The following SLC26A5 variants were observed in gnomAD, a reference collection of about 807,000 sequenced individuals.
The protein encoded by SLC26A5 is prestin.
In SLC26A5, 51 loss-of-function variants were observed where a neutral mutation model predicts 81.0. The observed-to-expected ratio is 0.63, with a 90% CI of 0.50 to 0.80. The LOEUF (loss-of-function observed/expected upper bound fraction) is 0.80. SLC26A5 is among the 30% of genes least tolerant of loss of function. The pLI is 0.00. For missense variants in SLC26A5, 771 were observed against 905.8 expected, an observed-to-expected ratio of 0.85 and a Z score of 1.91; for synonymous variants, 325 against 332.8, an observed-to-expected ratio of 0.98 and a Z score of 0.25.
At chr7:103,407,728 T>C (rs567059934) in intron 8 of SLC26A5, 123 bp downstream of exon 8, 2 of 1,124,112 alleles carry the variant, frequency 1.8e-6, no homozygotes, top group East Asian at 4.8e-5. Context: ...ATTTGACAAA[T>C]TGTAACCTTC....
intron 8 of SLC26A5, among the ~76,000 whole-genome samples, chr7:103,401,797 G>A (rs1823612876): frequency 6.6e-6 from 1 of 152,148 alleles, no homozygotes; most frequent in Admixed American, 6.5e-5. Flanking sequence ...GGCCTTTTCT[G>A]CATCTATTGA....
intron 19 of SLC26A5, chr7:103,362,114 C>T: frequency 1.2e-6 from 2 of 1,610,776 alleles, no homozygotes; most frequent in Non-Finnish European, 1.7e-6. Flanking sequence ...ACAATAAATA[C>T]TTTTCTTTCA....
At chr7:103,416,740 G>A (rs527530988) in intron 4 of SLC26A5, among the ~76,000 whole-genome samples, 2 of 151,904 alleles carry the variant, frequency 1.3e-5, no homozygotes, top group African/African-American at 4.8e-5. Flanking sequence ...TGTTCCACGT[G>A]TCTCCTCTCT....
downstream of SLC26A5, among the ~76,000 whole-genome samples, chr7:103,373,982 TGTTA>T (rs1434694830): frequency 1.3e-5 from 2 of 152,236 alleles, no homozygotes; most frequent in African/African-American, 4.8e-5. Flanking sequence ...TCCTGTCTTC[TGTTA>T]GATAACTGAT....
intron 19 of SLC26A5, among the ~76,000 whole-genome samples, chr7:103,365,373 T>C (rs1235000829): frequency 2.6e-5 from 4 of 152,212 alleles, no homozygotes; most frequent in African/African-American, 9.6e-5. Context: ...GGCTCATGCC[T>C]GTAATCCTAG....
intron 2 of SLC26A5, among the ~76,000 whole-genome samples, chr7:103,431,909 C>T (rs1826110574): frequency 6.6e-6 from 1 of 151,478 alleles, no homozygotes; most frequent in Non-Finnish European, 1.5e-5. Context: ...TTCACGAATG[C>T]TTACCATGAA....
At chr7:103,409,819 T>C (rs1824338345) in intron 7 of SLC26A5, among the ~76,000 whole-genome samples, 1 of 152,090 alleles carries the variant, frequency 6.6e-6, no homozygotes. Context: ...GCCATTCTCC[T>C]GTCTCAGCCT....
At chr7:103,398,994 G>C (rs1402127188) in intron 8 of SLC26A5, among the ~76,000 whole-genome samples, 2 of 152,210 alleles carry the variant, frequency 1.3e-5, no homozygotes, top group African/African-American at 2.4e-5. Context: ...TATGGCTCAA[G>C]CTCCTGGAGC....
In SLC26A5 at chr7:103,392,941, C is replaced by T. The variant is rs1822789010; in HGVS notation, c.1097G>A (p.Gly366Asp). 3.1e-6 allele frequency: 5 copies of T among 1,614,048 alleles called. No homozygotes were observed. The highest frequency in any genetic ancestry group is 4.2e-6 in the Non-Finnish European group (5 of 1,179,918). Residue 366 changes from glycine (G) to aspartate (D), a missense_variant, in exon 10 of 20, where the codon GGC (glycine) becomes GAC (aspartate). Coordinates refer to ENST00000306312, the MANE Select transcript of SLC26A5 (RefSeq NM_198999.3). ...TACCTGATTGCCGTCAACCTGGTAG[C>T]CATGTTTATTTGCTAAGGTCTTGGC... ...SMAKTLANKH[G>D]YQVDGNQELI...
At chr7:103,365,079 T>C (rs1025060442) in intron 19 of SLC26A5, among the ~76,000 whole-genome samples, 20 of 151,276 alleles carry the variant, frequency 1.3e-4, no homozygotes, top group African/African-American at 4.8e-4. Flanking sequence ...CTGCGTGAGT[T>C]GAGGTATCCT....
chr7:103,358,406 C>T lies in SLC26A5; in HGVS notation c.2042-5480G>A, dbSNP rs551066572. On this transcript the variant is annotated intron_variant, in intron 19 of 19. Coordinates refer to the SLC26A5 transcript ENST00000339444. ...AAACTATTTGTTAATTTCTTTCCTT[C>T]CGTTTTCTTGGACCCTTATTCCTGA... is the stretch of plus-strand genomic sequence containing the variant. Among the ~76,000 whole-genome samples the T allele has an allele frequency of 2.6e-5, 4 of 152,246 alleles. No homozygotes were observed. In the South Asian group the frequency reaches 6.2e-4, roughly 24 times the overall value.
chr7:103,436,439 C>T (rs901352094), intron 2 of SLC26A5, among the ~76,000 whole-genome samples: 7 of 152,126 alleles, frequency 4.6e-5, no homozygotes, highest in South Asian at 2.1e-4. Flanking sequence ...ATTTTCTAAA[C>T]TACCAATTAA....
intron 19 of SLC26A5, among the ~76,000 whole-genome samples, chr7:103,366,345 T>C (rs1820718597): frequency 6.6e-6 from 1 of 152,268 alleles, no homozygotes; most frequent in Non-Finnish European, 1.5e-5. Flanking sequence ...GAAGACACAT[T>C]ATATACCATT....
At chr7:103,433,903 G>A (rs544943310) in intron 2 of SLC26A5, among the ~76,000 whole-genome samples, 297 of 151,954 alleles carry the variant, frequency 2.0e-3, no homozygotes, top group Non-Finnish European at 3.3e-3. Context: ...GGGTTTCACC[G>A]TGTTAGCCAG....
Position 103,377,803 on chromosome 7 carries a change from T to C in SLC26A5, c.1786-4A>G, listed in dbSNP as rs775525823. 1 of 1,613,416 alleles carries C rather than the reference T, an allele frequency of 6.2e-7. No homozygotes were observed. Among genetic ancestry groups the C allele is most frequent in the Non-Finnish European group, 8.5e-7 (1 of 1,179,966 alleles). Reference sequence around the variant, plus strand: ...CCTCTCCATCTACTTCTGCATCCTGTGTCAAAAATTAAACCAAACCAGAAT... The same window carrying C: ...CCTCTCCATCTACTTCTGCATCCTGCGTCAAAAATTAAACCAAACCAGAAT... On this transcript the variant is annotated splice_polypyrimidine_tract_variant and splice_region_variant and intron_variant, in intron 17 of 19. Transcript: ENST00000306312.
In SLC26A5 at chr7:103,391,473, A is replaced by G. The variant is rs187441939; in HGVS notation, c.1233+149T>C. On this transcript the variant is annotated intron_variant, in intron 11 of 19. Transcript: ENST00000306312. ...AGTTCCTTGTGATTCACTTCAACCAATCATGCCTTTCTCTGATTCCCTACA... is the reference window on the plus strand; with the variant it reads ...AGTTCCTTGTGATTCACTTCAACCAGTCATGCCTTTCTCTGATTCCCTACA... The G allele has an allele frequency of 3.8e-5, 27 of 701,788 alleles. No homozygotes were observed. The African/African-American group carries it at 4.6e-4, about 12-fold the overall frequency. The allele number at this position is 701,788 out of a possible 1,614,324, so 43.5% of individuals were successfully genotyped here. A position where few individuals can be genotyped will look rare whatever the true frequency, so the allele number is the denominator to read the frequency against.
chr7:103,402,679 G>A (rs897771867), intron 8 of SLC26A5, among the ~76,000 whole-genome samples: 6 of 152,070 alleles, frequency 3.9e-5, no homozygotes, highest in East Asian at 1.9e-4. Flanking sequence ...GATTACAGGC[G>A]TGAGCCACCG....
intron 1 of SLC26A5, among the ~76,000 whole-genome samples, chr7:103,444,176 T>C (rs1198399486): frequency 6.6e-6 from 1 of 152,228 alleles, no homozygotes; most frequent in Admixed American, 6.5e-5. Flanking sequence ...AAATGTACTC[T>C]GAGTCACAAA....
At chr7:103,386,244 T>TA (rs113764699) in intron 14 of SLC26A5, among the ~76,000 whole-genome samples, 313 of 143,694 alleles carry the variant, frequency 2.2e-3, no homozygotes, top group Middle Eastern at 3.5e-3. Context: ...ACTGGAGCAT[T>TA]AAAAAAAAAA....
Sources: allele counts gnomAD v4.1 joint callset (sites outside exome capture counted in the v4.1 genomes callset), GRCh38; gene constraint gnomAD v4.1.1; transcripts MANE v1.5; gene names NCBI Gene and HGNC (gene_info 2026-07-23, HGNC 2026-07-21).